TRAPPC9: variants seen among roughly 807,000 people sequenced by gnomAD.
TRAPPC9 encodes IKK2 binding protein.
Under a neutral mutation model 124.0 loss-of-function variants are expected in TRAPPC9, and 83 were observed. The ratio of observed to expected loss-of-function variants is 0.67; its 90% CI spans 0.56 to 0.80. The LOEUF is 0.80. Ranked by LOEUF, TRAPPC9 falls within the 30% of genes least tolerant of loss-of-function variation. The pLI is 0.00. For synonymous variants in TRAPPC9, 638 were observed against 617.5 expected, an observed-to-expected ratio of 1.03 and a Z score of -0.49; for missense variants, 1,302 against 1,508.3, an observed-to-expected ratio of 0.86 and a Z score of 2.27.
intron 10 of TRAPPC9, among the ~76,000 whole-genome samples, chr8:140,306,387 G>A (rs544958602): frequency 2.6e-5 from 4 of 151,844 alleles, no homozygotes; most frequent in East Asian, 3.9e-4. Context: ...CCAGCTACTC[G>A]GAGGCTGAGG....
chr8:140,341,093 T>C (rs565769110), intron 9 of TRAPPC9, among the ~76,000 whole-genome samples: 1 of 152,116 alleles, frequency 6.6e-6, no homozygotes, highest in Admixed American at 6.5e-5. Context: ...TATTAAGCAT[T>C]TATTGAGCCT....
intron 21 of TRAPPC9, among the ~76,000 whole-genome samples, chr8:139,850,089 C>T (rs1279045235): frequency 6.6e-6 from 1 of 152,176 alleles, no homozygotes; most frequent in East Asian, 1.9e-4. Context: ...GAACTCTGAG[C>T]CCCTTCTCAG....
intron 17 of TRAPPC9, among the ~76,000 whole-genome samples, chr8:140,086,074 A>G (rs1025086065): frequency 2.0e-5 from 3 of 152,172 alleles, no homozygotes; most frequent in Non-Finnish European, 4.4e-5. Flanking sequence ...GCAGAAGGCA[A>G]CCTAGCAGGT....
intron 21 of TRAPPC9, among the ~76,000 whole-genome samples, chr8:139,811,462 G>A (rs1402613832): frequency 3.9e-5 from 6 of 152,202 alleles, no homozygotes. Flanking sequence ...GGCCCACTGA[G>A]GGCCTAGAAC....
chr8:140,439,328 G>A, intron 2 of TRAPPC9, 131 bp from the exon 3 acceptor site: 3 of 1,031,778 alleles, frequency 2.9e-6, no homozygotes, highest in South Asian at 1.5e-5. Context: ...ATAATTTTAA[G>A]TCAGCAATAA....
chr8:140,412,144 C>T (rs1389988378), intron 5 of TRAPPC9, among the ~76,000 whole-genome samples: 1 of 152,176 alleles, frequency 6.6e-6, no homozygotes, highest in East Asian at 1.9e-4. Flanking sequence ...TCAAAGTTAG[C>T]CTCACCAGTA....
intron 4 of TRAPPC9, among the ~76,000 whole-genome samples, chr8:140,430,716 G>A (rs1489670935): frequency 1.3e-5 from 2 of 152,174 alleles, no homozygotes; most frequent in Non-Finnish European, 2.9e-5. Context: ...TCAGCTCACT[G>A]CAACCTCTGC....
chr8:140,046,835 A>C (rs750678841), intron 17 of TRAPPC9, among the ~76,000 whole-genome samples: 4 of 152,198 alleles, frequency 2.6e-5, no homozygotes, highest in Non-Finnish European at 5.9e-5. Flanking sequence ...CTGGGTTCAT[A>C]TCTTAGCTCC....
intron 12 of TRAPPC9, among the ~76,000 whole-genome samples, chr8:140,288,074 C>T (rs2065542075): frequency 6.6e-6 from 1 of 152,198 alleles, no homozygotes; most frequent in Non-Finnish European, 1.5e-5. Context: ...GGCATGGTGG[C>T]TCACACCTGT....
chr8:139,946,502 T>C (rs1834226191), intron 19 of TRAPPC9, among the ~76,000 whole-genome samples: 1 of 152,146 alleles, frequency 6.6e-6, no homozygotes, highest in Non-Finnish European at 1.5e-5. Flanking sequence ...TCTTTGCTCT[T>C]CCTCTAGCAG....
intron 17 of TRAPPC9, among the ~76,000 whole-genome samples, chr8:140,085,147 G>A (rs1295268348): frequency 6.6e-5 from 10 of 152,098 alleles, no homozygotes. Context: ...CATGCCCCAT[G>A]ACTCTTTGAA....
chr8:139,737,478 C>CCCCCCCA (rs1554633750), intron 21 of TRAPPC9, among the ~76,000 whole-genome samples: 2 of 127,210 alleles, frequency 1.6e-5, no homozygotes, highest in African/African-American at 3.0e-5. Context: ...CCCCCCCCCC[C>CCCCCCCA]ACGGAAAACC....
At chr8:140,108,937 C>T (rs568309198) in intron 17 of TRAPPC9, among the ~76,000 whole-genome samples, 1 of 152,050 alleles carries the variant, frequency 6.6e-6, no homozygotes, top group Non-Finnish European at 1.5e-5. Flanking sequence ...TTTTCTTTTC[C>T]TTAGTTTCGA....
In TRAPPC9 at chr8:140,164,401, G is replaced by A. The variant is rs79651384; in HGVS notation, c.2556+57058C>T. Among the ~76,000 whole-genome samples the A allele has an allele frequency of 5.3e-5, 8 of 152,266 alleles. No individual in the cohort carries two copies. The East Asian group carries it at 5.8e-4, about 11-fold the overall frequency. ...CTGCTGGGTCTCCCTGCTATTAATC[G>A]TGTATATCTTTTCTGGACAATGCCT... On this transcript the variant is annotated intron_variant, in intron 17 of 22. Transcript: ENST00000438773.
chr8:140,225,622 T>C (rs965568315), intron 16 of TRAPPC9, among the ~76,000 whole-genome samples: 9 of 152,170 alleles, frequency 5.9e-5, no homozygotes, highest in African/African-American at 1.9e-4. Flanking sequence ...AAACTCCACA[T>C]TTCTCTAGCA....
chr8:139,989,536 C>T (rs1267476982), intron 18 of TRAPPC9, among the ~76,000 whole-genome samples: 5 of 152,190 alleles, frequency 3.3e-5, no homozygotes, highest in Non-Finnish European at 7.3e-5. Context: ...ACTTTCCTTC[C>T]CAAATACAAA....
At chr8:140,009,551 T>C (rs564499949) in intron 18 of TRAPPC9, among the ~76,000 whole-genome samples, 1 of 152,344 alleles carries the variant, frequency 6.6e-6, no homozygotes, top group African/African-American at 2.4e-5. Flanking sequence ...ACAAAGGCCT[T>C]GGAGCCACCA....
intron 17 of TRAPPC9, among the ~76,000 whole-genome samples, chr8:140,053,291 G>T (rs1386046387): frequency 6.6e-6 from 1 of 152,212 alleles, no homozygotes; most frequent in African/African-American, 2.4e-5. Flanking sequence ...TGTGACCAAA[G>T]CTACCAGCAC....
At chr8:140,397,849 C>T in intron 6 of TRAPPC9, 104 bp from the exon 7 acceptor site, 1 of 1,472,898 alleles carries the variant, frequency 6.8e-7, no homozygotes, top group African/African-American at 1.4e-5. Context: ...ACAGCACTTC[C>T]CCCATCACAG....
Sources: gnomAD v4.1 joint callset for allele counts (sites outside exome capture counted in the v4.1 genomes callset) on GRCh38, gnomAD v4.1.1 for gene constraint, MANE v1.5 for transcripts, NCBI Gene and HGNC (gene_info 2026-07-23, HGNC 2026-07-21) for gene names.